The following CYP1B1 variants were observed in gnomAD, a reference collection of about 807,000 sequenced individuals.
CYP1B1 encodes cytochrome P450 family 1 subfamily B member 1, also known as cytochrome P450 1B1.
In CYP1B1, 22 loss-of-function variants were observed where a neutral mutation model predicts 29.9. The ratio of observed to expected loss-of-function variants is 0.74; its 90% CI spans 0.53 to 1.05. CYP1B1 has a LOEUF of 1.05. CYP1B1 is among the 50% of genes least tolerant of loss of function. The pLI, the probability that CYP1B1 is intolerant of heterozygous loss-of-function variation, is 0.00. For missense variants in CYP1B1, 883 were observed against 746.9 expected (o/e 1.18, Z -2.12); for synonymous variants, 375 against 320.0 (o/e 1.17, Z -1.83).
rs1682336624 is a variant in CYP1B1, at chr2:38,067,713, T to C, written c.*3009A>G. The C allele has an allele frequency of 5.5e-6, 1 of 182,092 alleles. No individual in the cohort carries two copies. The allele number at this position is 182,092 out of a possible 1,614,324, so 11.3% of individuals were successfully genotyped here. On this transcript the variant is annotated 3_prime_UTR_variant, in exon 3 of 3. Transcript: ENST00000610745. ...TCAAACAGTAAAGGCTACATATAAA[T>C]GTTGTTTCCCCAGAATGTACTTTGT... is the stretch of plus-strand genomic sequence containing the variant.
Position 38,074,795 on chromosome 2 carries a change from G to A in CYP1B1, c.594C>T (p.Val198=), listed in dbSNP as rs34731639. ...GAFLDPRPLT[V]VAVANVMSAV... Reference sequence around the variant, plus strand: ...CACTCATGACGTTGGCCACGGCCACGACGGTCAGCGGCCTCGGGTCGAGGA... The same window carrying A: ...CACTCATGACGTTGGCCACGGCCACAACGGTCAGCGGCCTCGGGTCGAGGA... The change falls in exon 2 of 3, where the codon GTC becomes GTT. Residue 198 remains valine (V), a synonymous_variant. Transcript: ENST00000610745. 7.0e-4 allele frequency: 1,107 copies of A among 1,583,948 alleles called. 10 individuals are homozygous for A. The African/African-American group carries it at 0.014, about 19-fold the overall frequency.
rs541757227 is a variant in CYP1B1, at chr2:38,070,619, T to C, written c.*103A>G. 5.8e-5 allele frequency: 60 copies of C among 1,028,318 alleles called. No individual in the cohort carries two copies. In the African/African-American group the frequency reaches 9.2e-4, roughly 16 times the overall value. The allele number at this position is 1,028,318 out of a possible 1,614,324, so 63.7% of individuals were successfully genotyped here. A position where few individuals can be genotyped will look rare whatever the true frequency, so the allele number is the denominator to read the frequency against. On this transcript the variant is annotated 3_prime_UTR_variant, in exon 3 of 3. Transcript: ENST00000610745. Reference sequence around the variant, plus strand: ...GTTGATTTATGCTCACCTTAAACGCTAATTGAGAAGCAGCACAAAAGAGGA... The same window carrying C: ...GTTGATTTATGCTCACCTTAAACGCCAATTGAGAAGCAGCACAAAAGAGGA...
chr2:38,074,833 C>T lies in CYP1B1; in HGVS notation c.556G>A (p.Ala186Thr), dbSNP rs1332674007. 20 of 1,565,376 alleles carry T rather than the reference C, an allele frequency of 1.3e-5. No individual in the cohort carries two copies. The highest frequency in any genetic ancestry group is 7.1e-5 in the East Asian group (3 of 42,102). The part of the protein sequence containing the change: ...ELVALLVRGS[A>T]DGAFLDPRPL... ...CTCGGGTCGAGGAAGGCGCCGTCCG[C>T]GCTGCCGCGCACCAGCAGCGCCACC... Residue 186 changes from alanine to threonine, a missense_variant, in exon 2 of 3, where the codon GCG becomes ACG. Physicochemically the swap from Ala to Thr is moderately conservative, Grantham distance 58 (BLOSUM62 0). Coordinates refer to ENST00000610745, the MANE Select transcript of CYP1B1 (RefSeq NM_000104.4).
Position 38,067,529 on chromosome 2 carries a change from T to C in CYP1B1, c.*3193A>G, listed in dbSNP as rs901834582. ...AAATGTTTACAGTGCAATATTTTAA[T>C]TGAATAATCCATAGTAATAGTTGAA... On this transcript the variant is annotated 3_prime_UTR_variant, in exon 3 of 3. Coordinates refer to ENST00000610745, the MANE Select transcript of CYP1B1 (RefSeq NM_000104.4). 11 of 166,148 alleles carry C rather than the reference T, an allele frequency of 6.6e-5. No individual in the cohort carries two copies. The highest frequency in any genetic ancestry group is 5.8e-4 in the Admixed American group (9 of 15,626). 10.3% of individuals were successfully genotyped at this position (166,148 alleles called of 1,614,324 possible).
chr2:38,070,033 G>A lies in CYP1B1; in HGVS notation c.*689C>T. On this transcript the variant is annotated 3_prime_UTR_variant, in exon 3 of 3. Coordinates refer to ENST00000610745, the MANE Select transcript of CYP1B1 (RefSeq NM_000104.4). ...ACTTTAAAATTCATGATAACTCATG[G>A]AACCCCACTATACTCACTAATTCAA... is the stretch of plus-strand genomic sequence containing the variant. 1 of 204,300 alleles carries A rather than the reference G, an allele frequency of 4.9e-6. No individual in the cohort carries two copies. Among genetic ancestry groups the A allele is most frequent in the Non-Finnish European group, 1.0e-5 (1 of 99,762 alleles). The allele number at this position is 204,300 out of a possible 1,614,324, so 12.7% of individuals were successfully genotyped here. A position where few individuals can be genotyped will look rare whatever the true frequency, so the allele number is the denominator to read the frequency against.
intron 2 of CYP1B1, among the ~76,000 whole-genome samples, chr2:38,072,767 C>T (rs1045281502): frequency 6.6e-6 from 1 of 152,148 alleles, no homozygotes; most frequent in Non-Finnish European, 1.5e-5. Flanking sequence ...TCTGCTCTGC[C>T]TTGTGTTGTA....
rs370935810 is a variant in CYP1B1, at chr2:38,074,490, G to T, written c.899C>A (p.Ala300Glu). 4.3e-6 allele frequency: 7 copies of T among 1,611,726 alleles called. No individual in the cohort carries two copies. The highest frequency in any genetic ancestry group is 5.9e-6 in the Non-Finnish European group (7 of 1,179,328). ...RDMMDAFILS[A>E]EKKAAGDSHG... ...CGAGTCCCCGGCCGCCTTCTTTTCC[G>T]CAGAGAGGATAAAGGCGTCCATCAT... Residue 300 changes from alanine to glutamate, a missense_variant, in exon 2 of 3, where the codon GCG becomes GAG. Physicochemically the swap from Ala to Glu is moderately radical, Grantham distance 107 (BLOSUM62 -1). Transcript: ENST00000610745.
In CYP1B1 at chr2:38,074,885, G is replaced by A. The variant is rs778685313; in HGVS notation, c.504C>T (p.Gly168=). The stretch of plus-strand genomic sequence containing the variant: ...GCTCGCGCGCCTCGCTCAGCACGTG[G>A]CCCTCGAGGACTTGGCGGCTGCGCG... The part of the protein sequence containing the change: ...RQPRSRQVLE[G]HVLSEARELV... The change falls in exon 2 of 3, where the codon GGC becomes GGT. Residue 168 remains glycine, a synonymous_variant. Transcript: ENST00000610745. 6 of 1,555,472 alleles carry A rather than the reference G, an allele frequency of 3.9e-6. No homozygotes were observed. In the South Asian group the frequency reaches 5.9e-5, roughly 15 times the overall value.
Position 38,071,179 on chromosome 2 carries a change from G to A in CYP1B1, c.1175C>T (p.Ser392Phe). The change falls in exon 3 of 3, where the codon TCC (serine) becomes TTC (phenylalanine). Residue 392 changes from serine to phenylalanine, a missense_variant. Transcript: ENST00000610745. ...AGGAATAGTGACAGGCACAAAGCTGGAGAAGCGCATGGCTTCATAAAGGAA... is the reference window on the plus strand; with the variant it reads ...AGGAATAGTGACAGGCACAAAGCTGAAGAAGCGCATGGCTTCATAAAGGAA... ...LAFLYEAMRF[S>F]SFVPVTIPHA... 6.2e-7 allele frequency: 1 copy of A among 1,613,866 alleles called. No individual in the cohort carries two copies. The highest frequency in any genetic ancestry group is 8.5e-7 in the Non-Finnish European group (1 of 1,180,028).
At position 38,074,426 on chromosome 2, in the gene CYP1B1, C is replaced by T. The variant is rs556393307; in HGVS notation, c.963G>A (p.Pro321=). The T allele has an allele frequency of 1.1e-5, 18 of 1,613,386 alleles. No individual in the cohort carries two copies. Among genetic ancestry groups the T allele is most frequent in the Admixed American group, 1.7e-5 (1 of 60,004 alleles). Reference sequence around the variant, plus strand: ...CGCCGAAGATGTCAGTGATAGTGGCCGGTACGTTCTCCAAATCCAGCCGCG... The same window carrying T: ...CGCCGAAGATGTCAGTGATAGTGGCTGGTACGTTCTCCAAATCCAGCCGCG... ...GGARLDLENV[P]ATITDIFGAS... The change falls in exon 2 of 3, where the codon CCG becomes CCA. Residue 321 remains proline, a synonymous_variant. Transcript: ENST00000610745.
chr2:38,074,767 C>T lies in CYP1B1; in HGVS notation c.622G>A (p.Val208Met), dbSNP rs780536937. The stretch of plus-strand genomic sequence containing the variant: ...TGGCTGTAGCGGCAGCCGAAACACA[C>T]GGCACTCATGACGTTGGCCACGGCC... ...VVAVANVMSA[V>M]CFGCRYSHDD... The change falls in exon 2 of 3, where the codon GTG becomes ATG. Residue 208 changes from valine to methionine, a missense_variant. Physicochemically the swap from Val to Met is conservative, Grantham distance 21. Transcript: ENST00000610745. The T allele has an allele frequency of 1.3e-6, 2 of 1,598,190 alleles. No individual in the cohort carries two copies. Among genetic ancestry groups the T allele is most frequent in the Admixed American group, 3.4e-5 (2 of 58,262 alleles).
intron 2 of CYP1B1, among the ~76,000 whole-genome samples, chr2:38,072,843 C>A (rs1292945044): frequency 6.6e-6 from 1 of 152,034 alleles, no homozygotes; most frequent in South Asian, 2.1e-4. Flanking sequence ...AACGTATATA[C>A]AAAAACAGAT....
rs1274267612 is a variant in CYP1B1, at chr2:38,074,467, A to G, written c.922T>C (p.Ser308Pro). ...TCCAGCCGCGCGCCACCACCGTGCG[A>G]GTCCCCGGCCGCCTTCTTTTCCGCA... ...LSAEKKAAGD[S>P]HGGGARLDLE... The change falls in exon 2 of 3, where the codon TCG becomes CCG. Residue 308 changes from serine (S) to proline (P), a missense_variant. Physicochemically the swap from Ser to Pro is moderately conservative, Grantham distance 74. Transcript: ENST00000610745. 4 of 1,612,506 alleles carry G rather than the reference A, an allele frequency of 2.5e-6. No homozygotes were observed. In the Admixed American group the frequency reaches 6.7e-5, roughly 27 times the overall value.
Position 38,069,490 on chromosome 2 carries a change from G to T in CYP1B1, c.*1232C>A. ...GCTTTAAAATTTAGTTAAAATTTAA[G>T]CATGCCATGAATTTGGAATTTTAAT... On this transcript the variant is annotated 3_prime_UTR_variant, in exon 3 of 3. Transcript: ENST00000610745. 5.0e-6 allele frequency: 1 copy of T among 200,774 alleles called. No homozygotes were observed. The highest frequency in any genetic ancestry group is 1.7e-3 in the Middle Eastern group (1 of 584). The allele number at this position is 200,774 out of a possible 1,614,324, so 12.4% of individuals were successfully genotyped here.
Position 38,071,227 on chromosome 2 carries a change from G to T in CYP1B1, c.1127C>A (p.Pro376His). 1 of 1,613,206 alleles carries T rather than the reference G, an allele frequency of 6.2e-7. No homozygotes were observed. The highest frequency in any genetic ancestry group is 8.5e-7 in the Non-Finnish European group (1 of 1,180,042). ...GAAGGCCAGGACATAGGGCAGGTTG[G>T]GCTGGTCACCCATACAAGGCAGACG... Reference protein sequence around the residue: ...RDRLPCMGDQPNLPYVLAFLY... With the variant: ...RDRLPCMGDQHNLPYVLAFLY... Residue 376 changes from proline to histidine, a missense_variant, in exon 3 of 3, where the codon CCC becomes CAC. By Grantham distance (77) the Pro-to-His change is moderately conservative. Transcript: ENST00000610745.
Position 38,070,689 on chromosome 2 carries a change from A to G in CYP1B1, c.*33T>C, listed in dbSNP as rs746835202. 3.0e-5 allele frequency: 48 copies of G among 1,585,828 alleles called. No homozygotes were observed. Among genetic ancestry groups the G allele is most frequent in the South Asian group, 1.3e-4 (12 of 90,488 alleles). ...TTACTCCTCATCTCCGAAGATGTGA[A>G]TATTTCTAAAATTTCAGCTTGCCTC... On this transcript the variant is annotated 3_prime_UTR_variant, in exon 3 of 3. Transcript: ENST00000610745.
Position 38,070,509 on chromosome 2 carries a change from C to G in CYP1B1, c.*213G>C. On this transcript the variant is annotated 3_prime_UTR_variant, in exon 3 of 3. Coordinates refer to ENST00000610745, the MANE Select transcript of CYP1B1 (RefSeq NM_000104.4). ...TTCATTGGGCCCTTTAAGTCTTTGA[C>G]TCAAAAAAATCTCCCAGAAGCTCCT... 1 of 545,644 alleles carries G rather than the reference C, an allele frequency of 1.8e-6. No individual in the cohort carries two copies. 33.8% of individuals were successfully genotyped at this position (545,644 alleles called of 1,614,324 possible).
At position 38,075,600 on chromosome 2, in the gene CYP1B1, C is replaced by A. The variant is rs1019630498; in HGVS notation, c.-2+180G>T. The A allele has an allele frequency of 6.6e-6, 4 of 608,564 alleles. No homozygotes were observed. In the East Asian group the frequency reaches 1.1e-4, roughly 17 times the overall value. 37.7% of individuals were successfully genotyped at this position (608,564 alleles called of 1,614,324 possible). On this transcript the variant is annotated intron_variant, in intron 1 of 2. Transcript: ENST00000610745. Reference sequence around the variant, plus strand: ...GGGCGTGTTTCCACCTCGCTGTAACCCAGCGCCAAACCCTTCCCCTCCCCG... The same window carrying A: ...GGGCGTGTTTCCACCTCGCTGTAACACAGCGCCAAACCCTTCCCCTCCCCG...
Position 38,070,865 on chromosome 2 carries a change from G to A in CYP1B1, c.1489C>T (p.Pro497Ser), listed in dbSNP as rs1437655036. 6.2e-7 allele frequency: 1 copy of A among 1,614,024 alleles called. No individual in the cohort carries two copies. The highest frequency in any genetic ancestry group is 8.5e-7 in the Non-Finnish European group (1 of 1,180,036). The change falls in exon 3 of 3, where the codon CCA (proline) becomes TCA (serine). Residue 497 changes from proline to serine, a missense_variant. Coordinates refer to ENST00000610745, the MANE Select transcript of CYP1B1 (RefSeq NM_000104.4). ...LAHQCDFRAN[P>S]NEPAKMNFSY... ...AAATTCATTTTCGCAGGCTCATTTG[G>A]GTTGGCCCTGAAATCGCACTGGTGA...
Sources: gnomAD v4.1 joint callset for allele counts (sites outside exome capture counted in the v4.1 genomes callset) on GRCh38, gnomAD v4.1.1 for gene constraint, MANE v1.5 for transcripts, NCBI Gene and HGNC (gene_info 2026-07-23, HGNC 2026-07-21) for gene names.